GSDME: variants seen among roughly 807,000 people sequenced by gnomAD.
GSDME encodes the protein gasdermin-E.
In GSDME, 44 loss-of-function variants were observed where a neutral mutation model predicts 47.5. That is an observed-to-expected ratio of 0.93 (90% CI 0.73 to 1.19). The LOEUF (loss-of-function observed/expected upper bound fraction) is 1.19. Among genes scored for constraint, GSDME ranks in the 50% most tolerant of loss-of-function variants. The pLI is 0.00. For missense variants in GSDME, 663 were observed against 604.2 expected, an observed-to-expected ratio of 1.10 and a Z score of -1.02; for synonymous variants, 258 against 252.8, an observed-to-expected ratio of 1.02 and a Z score of -0.20.
In GSDME at chr7:24,705,892, T is replaced by A; in HGVS notation, c.1183+292A>T. On this transcript the variant is annotated intron_variant, in intron 8 of 9. Coordinates refer to ENST00000645220, the MANE Select transcript of GSDME (RefSeq NM_001127453.2). This position sits in a 1 kb window ranked among gnomAD's most constrained non-coding sequence, Gnocchi z 4.1. ...AGTGAACCACAGCCTGTCAGGGAGA[T>A]GCTTGCTTTTGTAGGCAAAGGGGCA... 1 of 483,810 alleles carries A rather than the reference T, an allele frequency of 2.1e-6. No individual in the cohort carries two copies. Among genetic ancestry groups the A allele is most frequent in the Non-Finnish European group, 3.8e-6 (1 of 262,956 alleles). The allele number at this position is 483,810 out of a possible 1,614,324, so 30.0% of individuals were successfully genotyped here. A position where few individuals can be genotyped will look rare whatever the true frequency, so the allele number is the denominator to read the frequency against.
At position 24,714,573 on chromosome 7, in the gene GSDME, C is replaced by G. The variant is rs528785049; in HGVS notation, c.697+2681G>C. Among the ~76,000 whole-genome samples the G allele has an allele frequency of 6.6e-6, 1 of 152,070 alleles. No individual in the cohort carries two copies. The highest frequency in any genetic ancestry group is 1.9e-4 in the East Asian group (1 of 5,194). ...GATCCAGAACGAGCCAAGGGAAGGC[C>G]GAGATATCCCCAGGGTACCTCTTCT... On this transcript the variant is annotated intron_variant, in intron 5 of 9. Transcript: ENST00000645220. The surrounding 1 kb of genome is among the most constrained non-coding windows in gnomAD (Gnocchi z 5.0).
At chr7:24,710,498 T>A in intron 5 of GSDME, 110 bp from the exon 6 acceptor site, 1 of 1,044,240 alleles carries the variant, frequency 9.6e-7, no homozygotes, top group Non-Finnish European at 1.5e-6. Context: ...CGTAACTCAG[T>A]GGAGCAGAAG....
upstream of GSDME, among the ~76,000 whole-genome samples, chr7:24,761,261 C>T (rs1041803966): frequency 7.9e-5 from 12 of 152,142 alleles, no homozygotes; most frequent in African/African-American, 2.7e-4. The surrounding 1 kb of genome is among the most constrained non-coding windows in gnomAD (Gnocchi z 4.4). Flanking sequence ...CATGTCTTTG[C>T]CCATTCGGTT....
intron 4 of GSDME, among the ~76,000 whole-genome samples, chr7:24,717,742 C>A (rs76634207): frequency 0.038 from 5,833 of 152,230 alleles, 159 homozygotes; most frequent in Non-Finnish European, 0.057. Context: ...AAACAGTAGC[C>A]AAGTTGGACT....
In GSDME at chr7:24,744,365, C is replaced by T. The variant is rs1030485147; in HGVS notation, c.404+197G>A. The T allele has an allele frequency of 4.7e-6, 3 of 638,700 alleles. No individual in the cohort carries two copies. Among genetic ancestry groups the T allele is most frequent in the African/African-American group, 3.6e-5 (2 of 55,064 alleles). The allele number at this position is 638,700 out of a possible 1,614,324, so 39.6% of individuals were successfully genotyped here. The stretch of plus-strand genomic sequence containing the variant: ...CTTTGAAAGTGCTTCCCAAGTCTCC[C>T]CCCACTCAGGCTAAGAACAGTCAAG... On this transcript the variant is annotated intron_variant, in intron 3 of 9. Transcript: ENST00000645220. This position sits in a 1 kb window ranked among gnomAD's most constrained non-coding sequence, Gnocchi z 4.5.
At chr7:24,731,823 C>A (rs1369666303) in intron 3 of GSDME, among the ~76,000 whole-genome samples, 1 of 152,218 alleles carries the variant, frequency 6.6e-6, no homozygotes, top group African/African-American at 2.4e-5. Flanking sequence ...AGAAAAAGAT[C>A]TTTGGGTAAG....
At chr7:24,749,851 T>A (rs959567565) in intron 1 of GSDME, 58 bp from the exon 2 acceptor site, 1 of 1,148,312 alleles carries the variant, frequency 8.7e-7, no homozygotes, top group Non-Finnish European at 1.3e-6. Flanking sequence ...GTGGCTTTTT[T>A]CCCTAAAATT....
rs1375552983 is a variant in GSDME, at chr7:24,744,930, G to GTA, written c.212-177_212-176insTA. ...CAAGAAAACAGGGCAGCACGTGTGTGTGTGTGTGTGTGTGTGTGTGTGGAC... is the reference window on the plus strand; with the variant it reads ...CAAGAAAACAGGGCAGCACGTGTGTGTATGTGTGTGTGTGTGTGTGTGTGGAC... On this transcript the variant is annotated intron_variant, in intron 2 of 9. Transcript: ENST00000645220. This position sits in a 1 kb window ranked among gnomAD's most constrained non-coding sequence, Gnocchi z 4.5. 7.1e-6 allele frequency among the ~76,000 whole-genome samples: 1 copy of GTA among 140,524 alleles called. No individual in the cohort carries two copies. The highest frequency in any genetic ancestry group is 1.5e-5 in the Non-Finnish European group (1 of 66,434). The allele number at this position is 140,524 out of a possible 152,430, so 92.2% of individuals were successfully genotyped here.
the GSDME span, among the ~76,000 whole-genome samples, chr7:24,788,106 G>GT: frequency 2.0e-5 from 3 of 152,302 alleles, no homozygotes; most frequent in South Asian, 6.2e-4. This position sits in a 1 kb window ranked among gnomAD's most constrained non-coding sequence, Gnocchi z 4.6. Context: ...GCTCTTATGC[G>GT]TATCTACTTA....
chr7:24,722,269 G>A lies in GSDME; in HGVS notation c.405-3051C>T, dbSNP rs149908946. 2.8e-4 allele frequency among the ~76,000 whole-genome samples: 43 copies of A among 152,314 alleles called. No homozygotes were observed. The East Asian group carries it at 2.9e-3, about 10-fold the overall frequency. On this transcript the variant is annotated intron_variant, in intron 3 of 9. Transcript: ENST00000645220. ...TGTACATATGTATTTGTGCATCCACGTGTGAAAGACAGAAGACACGGAAGA... is the reference window on the plus strand; with the variant it reads ...TGTACATATGTATTTGTGCATCCACATGTGAAAGACAGAAGACACGGAAGA...
the GSDME span, among the ~76,000 whole-genome samples, chr7:24,776,041 G>T: frequency 2.6e-5 from 4 of 151,860 alleles, no homozygotes; most frequent in Non-Finnish European, 2.9e-5. Flanking sequence ...TTAGCCGGGC[G>T]TGGTAGCGGG....
chr7:24,715,367 T>C, intron 5 of GSDME: 1 of 443,872 alleles, frequency 2.3e-6, no homozygotes, highest in Non-Finnish European at 4.7e-6. Context: ...ATGCAGAGGG[T>C]AACCATGCTG....
Position 24,706,312 on chromosome 7 carries a change from T to C in GSDME, c.1055A>G (p.Gln352Arg), listed in dbSNP as rs1789100660. 6.8e-6 allele frequency: 11 copies of C among 1,613,808 alleles called. No homozygotes were observed. The highest frequency in any genetic ancestry group is 9.3e-6 in the Non-Finnish European group (11 of 1,179,984). ...VAVLGELKPR[Q>R]QQDLVAFLQL... ...CAGGAAGGCCACAAGGTCCTGCTGC[T>C]GCCGGGGCTTCAGCTCCCCCAGCAC... Residue 352 changes from glutamine (Q) to arginine (R), a missense_variant, in exon 8 of 10, where the codon CAG (glutamine) becomes CGG (arginine). By Grantham distance (43) the Gln-to-Arg change is conservative. Coordinates refer to ENST00000645220, the MANE Select transcript of GSDME (RefSeq NM_001127453.2).
the GSDME span, among the ~76,000 whole-genome samples, chr7:24,764,392 T>A: frequency 1.3e-5 from 2 of 152,202 alleles, no homozygotes; most frequent in Non-Finnish European, 2.9e-5. The surrounding 1 kb of genome is among the most constrained non-coding windows in gnomAD (Gnocchi z 4.4). Flanking sequence ...TAATACTATA[T>A]GTTGAAACCT....
At chr7:24,762,512 A>G (rs1432532585), upstream of GSDME, among the ~76,000 whole-genome samples, 1 of 152,156 alleles carries the variant, frequency 6.6e-6, no homozygotes, top group Non-Finnish European at 1.5e-5. Flanking sequence ...AGCTATACCC[A>G]GCATAGAGAA....
chr7:24,714,388 T>TA lies in GSDME; in HGVS notation c.697+2865dup, dbSNP rs200136608. ...CTGCAGGTTTATGTCTATGAAGCTA[T>TA]ACCAGAACATTCTGTAGCAAGAGCA... On this transcript the variant is annotated intron_variant, in intron 5 of 9. Transcript: ENST00000645220. This position sits in a 1 kb window ranked among gnomAD's most constrained non-coding sequence, Gnocchi z 5.0. 1.8e-3 allele frequency among the ~76,000 whole-genome samples: 272 copies of TA among 152,182 alleles called. 1 individual carries two copies. The highest frequency in any genetic ancestry group is 5.6e-3 in the African/African-American group (233 of 41,502).
chr7:24,699,957 C>T (rs1437959622), intron 9 of GSDME, among the ~76,000 whole-genome samples: 1 of 152,172 alleles, frequency 6.6e-6, no homozygotes, highest in African/African-American at 2.4e-5. Context: ...CTTCCTGCCT[C>T]AAGAACCTTT....
chr7:24,733,722 A>C lies in GSDME; in HGVS notation c.404+10840T>G, dbSNP rs1790215636. On this transcript the variant is annotated intron_variant, in intron 3 of 9. Transcript: ENST00000645220. This position sits in a 1 kb window ranked among gnomAD's most constrained non-coding sequence, Gnocchi z 4.3. The stretch of plus-strand genomic sequence containing the variant: ...GGAAAGGAGAGGGAAGAGTGAAGGG[A>C]CTTTGTCCTGTGATTTGAGTGCCAG... Among the ~76,000 whole-genome samples, 1 of 152,060 alleles carries C rather than the reference A, an allele frequency of 6.6e-6. No homozygotes were observed. The highest frequency in any genetic ancestry group is 2.4e-5 in the African/African-American group (1 of 41,392).
intron 7 of GSDME, chr7:24,707,782 G>A: frequency 2.0e-6 from 1 of 492,938 alleles, no homozygotes; most frequent in Non-Finnish European, 3.6e-6. Flanking sequence ...ATCCGCAGCT[G>A]GAAGGAGACA....
Sources: gnomAD v4.1 joint callset for allele counts (sites outside exome capture counted in the v4.1 genomes callset) on GRCh38, gnomAD v4.1.1 for gene constraint, Gnocchi (gnomAD v3.1) non-coding constraint, MANE v1.5 for transcripts, NCBI Gene and HGNC (gene_info 2026-07-23, HGNC 2026-07-21) for gene names.